CCSER1: variants seen among roughly 807,000 people sequenced by gnomAD.
CCSER1 encodes coiled-coil serine rich protein 1, also known as serine-rich coiled-coil domain-containing protein 1.
In CCSER1, 41 loss-of-function variants were observed where a neutral mutation model predicts 82.0. The ratio of observed to expected loss-of-function variants is 0.50; its 90% CI spans 0.39 to 0.65. The LOEUF is 0.65. Among genes scored for constraint, CCSER1 ranks in the 30% least tolerant of loss-of-function variants. The probability of loss-of-function intolerance (pLI) is 0.00; values close to 1 mark genes in which losing one functional copy is unlikely to be tolerated. For synonymous variants in CCSER1, 414 were observed against 383.9 expected (o/e 1.08, Z -0.92); for missense variants, 1,119 against 1,064.2 (o/e 1.05, Z -0.72).
chr4:91,265,553 C>G (rs542449991), intron 10 of CCSER1, among the ~76,000 whole-genome samples: 74 of 152,218 alleles, frequency 4.9e-4, no homozygotes, highest in Non-Finnish European at 9.1e-4. Flanking sequence ...AATTCAAATG[C>G]CAGTTGTATT....
intron 5 of CCSER1, among the ~76,000 whole-genome samples, chr4:90,561,605 C>T (rs931808388): frequency 1.3e-5 from 2 of 152,046 alleles, no homozygotes; most frequent in Admixed American, 6.6e-5. Flanking sequence ...TTCTCCCATG[C>T]GGCTTATTTG....
At chr4:91,540,369 C>A (rs563777023) in intron 10 of CCSER1, among the ~76,000 whole-genome samples, 6 of 152,200 alleles carry the variant, frequency 3.9e-5, no homozygotes, top group African/African-American at 1.4e-4. Flanking sequence ...TCATTAAAAT[C>A]TTCTGTGCTT....
intron 4 of CCSER1, among the ~76,000 whole-genome samples, chr4:90,447,239 A>G (rs1760780104): frequency 6.6e-6 from 1 of 152,130 alleles, no homozygotes; most frequent in Non-Finnish European, 1.5e-5. Flanking sequence ...CTGTTAATTG[A>G]TTATATTCAA....
intron 5 of CCSER1, among the ~76,000 whole-genome samples, chr4:90,551,895 C>A (rs1453348312): frequency 1.3e-5 from 2 of 151,880 alleles, no homozygotes; most frequent in African/African-American, 4.8e-5. Context: ...CTCATAGCTC[C>A]AGAGGCTGGA....
chr4:90,568,181 T>C (rs1779629891), intron 5 of CCSER1, among the ~76,000 whole-genome samples: 1 of 152,362 alleles, frequency 6.6e-6, no homozygotes, highest in African/African-American at 2.4e-5. Flanking sequence ...TTAGATTTAG[T>C]TGATCTAGAT....
intron 10 of CCSER1, among the ~76,000 whole-genome samples, chr4:91,120,310 A>G: frequency 6.6e-6 from 1 of 152,014 alleles, no homozygotes; most frequent in Non-Finnish European, 1.5e-5. Context: ...TAATTGCATG[A>G]GACAAAGAGA....
intron 9 of CCSER1, among the ~76,000 whole-genome samples, chr4:90,933,394 A>G (rs935103710): frequency 1.3e-5 from 2 of 151,538 alleles, no homozygotes; most frequent in African/African-American, 2.4e-5. Flanking sequence ...TCACCGTGTT[A>G]GCCAGGATGG....
intron 10 of CCSER1, among the ~76,000 whole-genome samples, chr4:91,384,899 C>T (rs1751178402): frequency 6.6e-6 from 1 of 151,934 alleles, no homozygotes; most frequent in South Asian, 2.1e-4. Flanking sequence ...ACTGAGATAC[C>T]TATGATATTG....
chr4:90,785,228 G>A (rs962566577), intron 7 of CCSER1, among the ~76,000 whole-genome samples: 7 of 151,968 alleles, frequency 4.6e-5, no homozygotes, highest in Non-Finnish European at 7.4e-5. Context: ...TATGGAGATG[G>A]GGTTTCACCA....
chr4:90,315,424 T>G (rs1736006824), intron 3 of CCSER1, among the ~76,000 whole-genome samples: 1 of 152,240 alleles, frequency 6.6e-6, no homozygotes, highest in South Asian at 2.1e-4. Flanking sequence ...AAAAACTACT[T>G]CACGATCTTA....
chr4:91,569,429 A>T (rs1372880384), intron 10 of CCSER1, among the ~76,000 whole-genome samples: 2 of 152,122 alleles, frequency 1.3e-5, no homozygotes, highest in Non-Finnish European at 2.9e-5. Flanking sequence ...GGGGGCTTGT[A>T]TTAGGCTGTT....
chr4:91,225,649 G>A (rs1403280832), intron 10 of CCSER1, among the ~76,000 whole-genome samples: 1 of 151,690 alleles, frequency 6.6e-6, no homozygotes, highest in Admixed American at 6.6e-5. Flanking sequence ...TGTGTATTCT[G>A]TTTCTCTATG....
intron 7 of CCSER1, among the ~76,000 whole-genome samples, chr4:90,805,082 T>C (rs564666376): frequency 7.8e-6 from 1 of 129,004 alleles, no homozygotes; most frequent in Non-Finnish European, 1.7e-5. Flanking sequence ...ATCTGAACTA[T>C]AATAGAGTTT....
At chr4:91,411,913 A>G (rs1753074501) in intron 10 of CCSER1, among the ~76,000 whole-genome samples, 2 of 151,988 alleles carry the variant, frequency 1.3e-5, no homozygotes, top group South Asian at 2.1e-4. Flanking sequence ...ATAGATTATC[A>G]TGGTTATCCA....
At chr4:90,751,681 A>G (rs1420118951) in intron 7 of CCSER1, among the ~76,000 whole-genome samples, 1 of 152,076 alleles carries the variant, frequency 6.6e-6, no homozygotes, top group East Asian at 1.9e-4. Context: ...ACGTTGTTAC[A>G]TAACATATTC....
intron 5 of CCSER1, among the ~76,000 whole-genome samples, chr4:90,591,392 C>T (rs988975370): frequency 6.6e-6 from 1 of 152,012 alleles, no homozygotes; most frequent in East Asian, 1.9e-4. Context: ...ACAGACACTT[C>T]TCAAAAGAAG....
At chr4:91,582,746 T>A (rs543768649) in intron 10 of CCSER1, among the ~76,000 whole-genome samples, 1 of 151,392 alleles carries the variant, frequency 6.6e-6, no homozygotes, top group South Asian at 2.1e-4. Flanking sequence ...TCAATCAATC[T>A]ATCATCTCTG....
At chr4:91,415,560 C>A (rs1753308522) in intron 10 of CCSER1, among the ~76,000 whole-genome samples, 1 of 152,014 alleles carries the variant, frequency 6.6e-6, no homozygotes, top group African/African-American at 2.4e-5. Flanking sequence ...TCATATATGG[C>A]TCTTACTATT....
chr4:90,662,443 T>G (rs1730998972), intron 6 of CCSER1, among the ~76,000 whole-genome samples: 1 of 152,090 alleles, frequency 6.6e-6, no homozygotes. Context: ...TTCTGCATCT[T>G]TTTTTACTCA....
Sources: allele counts gnomAD v4.1 joint callset (sites outside exome capture counted in the v4.1 genomes callset), GRCh38; gene constraint gnomAD v4.1.1; transcripts MANE v1.5; gene names NCBI Gene and HGNC (gene_info 2026-07-23, HGNC 2026-07-21).